Variants in OXR1 observed in about 807,000 individuals in gnomAD.
The protein encoded by OXR1 is oxidation resistance protein 1.
OXR1 carries 41 observed loss-of-function variants against 104.6 expected under a neutral mutation model. That is an observed-to-expected ratio of 0.39 (90% CI 0.31 to 0.51). The LOEUF is 0.51. Ranked by LOEUF, OXR1 falls within the 20% of genes least tolerant of loss-of-function variation. The probability of loss-of-function intolerance (pLI) is 0.77; values close to 1 mark genes in which losing one functional copy is unlikely to be tolerated. For missense variants in OXR1, 955 were observed against 1,031.9 expected (o/e 0.93, Z 1.02); for synonymous variants, 348 against 348.4 (o/e 1.00, Z 0.01).
At chr8:106,721,283 T>G (rs1297664557) in intron 11 of OXR1, among the ~76,000 whole-genome samples, 1 of 152,156 alleles carries the variant, frequency 6.6e-6, no homozygotes, top group Admixed American at 6.5e-5. Context: ...TTATACCACA[T>G]GTACTTCAGT....
At chr8:106,564,720 T>C (rs1423288021) in intron 3 of OXR1, among the ~76,000 whole-genome samples, 2 of 152,190 alleles carry the variant, frequency 1.3e-5, no homozygotes, top group Admixed American at 1.3e-4. Flanking sequence ...TGAACATTGA[T>C]GTGAAAATCC....
intron 11 of OXR1, among the ~76,000 whole-genome samples, chr8:106,727,189 A>G (rs1833426093): frequency 6.6e-6 from 1 of 151,742 alleles, no homozygotes; most frequent in South Asian, 2.1e-4. Context: ...AAATCAGTTA[A>G]CACCGTTGTT....
chr8:106,367,285 G>C (rs916549732), intron 2 of OXR1, among the ~76,000 whole-genome samples: 1 of 151,836 alleles, frequency 6.6e-6, no homozygotes, highest in Admixed American at 6.6e-5. Flanking sequence ...GGACAGTCTC[G>C]ATCTCCTGAC....
intron 3 of OXR1, chr8:106,604,963 G>A (rs1820257112): frequency 6.6e-6 from 1 of 152,180 alleles, no homozygotes; most frequent in South Asian, 2.1e-4. Flanking sequence ...AGGTCACTCA[G>A]GATGTCATTC....
intron 15 of OXR1, among the ~76,000 whole-genome samples, chr8:106,744,373 A>C (rs1002983173): frequency 6.6e-6 from 1 of 152,212 alleles, no homozygotes; most frequent in Non-Finnish European, 1.5e-5. Flanking sequence ...GAATCATAAA[A>C]TATGGCATGA....
chr8:106,733,873 G>T (rs945761393), intron 11 of OXR1, among the ~76,000 whole-genome samples: 5 of 151,148 alleles, frequency 3.3e-5, no homozygotes, highest in Non-Finnish European at 5.9e-5. Flanking sequence ...TGGGGATATG[G>T]CTCCCTCCCC....
chr8:106,477,038 G>A (rs1361092860), intron 2 of OXR1, among the ~76,000 whole-genome samples: 1 of 151,908 alleles, frequency 6.6e-6, no homozygotes, highest in Non-Finnish European at 1.5e-5. Flanking sequence ...CACTTATCCT[G>A]AAATGGTGGG....
At chr8:106,747,746 A>G (rs946205020) in intron 16 of OXR1, among the ~76,000 whole-genome samples, 9 of 152,226 alleles carry the variant, frequency 5.9e-5, no homozygotes, top group Non-Finnish European at 1.0e-4. Flanking sequence ...CCAATTTTAT[A>G]TGTGATATTA....
intron 3 of OXR1, among the ~76,000 whole-genome samples, chr8:106,662,577 C>T (rs1825869138): frequency 1.3e-5 from 2 of 152,102 alleles, no homozygotes; most frequent in South Asian, 4.1e-4. Flanking sequence ...GTCTTACGCA[C>T]AAGTTAACCC....
chr8:106,404,263 G>A (rs1818124428), intron 2 of OXR1, among the ~76,000 whole-genome samples: 1 of 152,088 alleles, frequency 6.6e-6, no homozygotes, highest in South Asian at 2.1e-4. Context: ...AACAGGGGGA[G>A]ACTTCTTCTA....
intron 2 of OXR1, among the ~76,000 whole-genome samples, chr8:106,506,301 G>A (rs1396210803): frequency 6.6e-6 from 1 of 152,140 alleles, no homozygotes; most frequent in African/African-American, 2.4e-5. Flanking sequence ...AAGTGTTGAG[G>A]AAAACTTTGG....
intron 2 of OXR1, among the ~76,000 whole-genome samples, chr8:106,500,258 A>G (rs574482552): frequency 1.1e-3 from 170 of 152,358 alleles, no homozygotes; most frequent in African/African-American, 3.9e-3. Flanking sequence ...ACAACAAGGA[A>G]GTAAAACCAA....
chr8:106,584,024 A>G (rs1461381696), intron 3 of OXR1, among the ~76,000 whole-genome samples: 1 of 152,178 alleles, frequency 6.6e-6, no homozygotes. Context: ...ACTTGGGAAG[A>G]AAGAAAACCA....
At chr8:106,572,629 G>A (rs765571479) in intron 3 of OXR1, among the ~76,000 whole-genome samples, 2 of 152,028 alleles carry the variant, frequency 1.3e-5, no homozygotes, top group Non-Finnish European at 2.9e-5. Context: ...CAAAACCCTA[G>A]AACAAAATTC....
At chr8:106,374,218 C>T (rs1185686959) in intron 2 of OXR1, among the ~76,000 whole-genome samples, 1 of 152,192 alleles carries the variant, frequency 6.6e-6, no homozygotes, top group Non-Finnish European at 1.5e-5. Flanking sequence ...CATCTTCTTC[C>T]CTGGATATTT....
intron 1 of OXR1, among the ~76,000 whole-genome samples, chr8:106,271,061 C>G (rs1261870497): frequency 1.3e-5 from 2 of 151,944 alleles, no homozygotes; most frequent in African/African-American, 2.4e-5. Flanking sequence ...CCTGGAGGGC[C>G]GACTGGAAAA....
At chr8:106,477,577 A>C (rs1821875894) in intron 2 of OXR1, among the ~76,000 whole-genome samples, 1 of 152,006 alleles carries the variant, frequency 6.6e-6, no homozygotes, top group Admixed American at 6.6e-5. Flanking sequence ...TAAATGATAA[A>C]ATAGACTAGT....
At chr8:106,711,070 A>G (rs555157276) in intron 10 of OXR1, among the ~76,000 whole-genome samples, 1 of 152,240 alleles carries the variant, frequency 6.6e-6, no homozygotes, top group Non-Finnish European at 1.5e-5. Flanking sequence ...TCAAAATATT[A>G]TTTGATATAG....
At chr8:106,544,207 C>CTTTTT (rs71307066) in intron 3 of OXR1, among the ~76,000 whole-genome samples, 10 of 135,528 alleles carry the variant, frequency 7.4e-5, no homozygotes, top group African/African-American at 1.9e-4. Flanking sequence ...TTTTCTTTTT[C>CTTTTT]TTTTTTTTTT....
Sources: allele counts gnomAD v4.1 joint callset (sites outside exome capture counted in the v4.1 genomes callset), GRCh38; gene constraint gnomAD v4.1.1; transcripts MANE v1.5; gene names NCBI Gene and HGNC (gene_info 2026-07-23, HGNC 2026-07-21).